The following SAMMSON variants were observed in gnomAD, a reference collection of about 807,000 sequenced individuals.
SAMMSON encodes survival associated mitochondrial melanoma specific oncogenic non-coding RNA.
At chr3:70,310,324 T>C (rs1702442711) in intron 7 of SAMMSON, among the ~76,000 whole-genome samples, 1 of 151,840 alleles carries the variant, frequency 6.6e-6, no homozygotes. Context: ...TCATCTTTTT[T>C]CTTTTTAAAA....
At chr3:70,061,376 C>T (rs761875529) in intron 3 of SAMMSON, among the ~76,000 whole-genome samples, 7 of 152,116 alleles carry the variant, frequency 4.6e-5, no homozygotes, top group Non-Finnish European at 1.0e-4. Flanking sequence ...CCCATCTGGA[C>T]TACAGATGTG....
At chr3:70,046,362 T>C (rs2067127227) in intron 3 of SAMMSON, among the ~76,000 whole-genome samples, 1 of 152,124 alleles carries the variant, frequency 6.6e-6, no homozygotes, top group Non-Finnish European at 1.5e-5. Context: ...GAAACAACCA[T>C]CTACCCCAAC....
rs1701208659 is a variant in SAMMSON, at chr3:70,198,989, A to G, written n.508-50118A>G. ...AACCTCATCGAGTTTTACCAATATG[A>G]AGACCACTACTATAGCAGTGGCTGC... On this transcript the variant is annotated intron_variant and non_coding_transcript_variant, in intron 4 of 9. Transcript: ENST00000642114. Among the ~76,000 whole-genome samples, 6 of 152,236 alleles carry G rather than the reference A, an allele frequency of 3.9e-5. No individual in the cohort carries two copies. In the South Asian group the frequency reaches 1.2e-3, roughly 31 times the overall value.
At chr3:70,310,162 C>T (rs1309097688) in intron 7 of SAMMSON, among the ~76,000 whole-genome samples, 1 of 151,574 alleles carries the variant, frequency 6.6e-6, no homozygotes, top group Non-Finnish European at 1.5e-5. Context: ...AAGACCTTTT[C>T]AAAAAAAGAA....
chr3:70,165,579 C>T (rs1230427074), intron 4 of SAMMSON, among the ~76,000 whole-genome samples: 4 of 151,856 alleles, frequency 2.6e-5, no homozygotes, highest in Non-Finnish European at 2.9e-5. Flanking sequence ...TACAAGCTAC[C>T]CATTTTATGG....
intron 6 of SAMMSON, among the ~76,000 whole-genome samples, chr3:70,257,945 A>C (rs1284105705): frequency 2.6e-5 from 4 of 152,214 alleles, no homozygotes; most frequent in Admixed American, 6.5e-5. Flanking sequence ...CATCAATAAG[A>C]CTCAATGAAG....
intron 3 of SAMMSON, chr3:70,068,048 A>G (rs1032608475): frequency 6.6e-6 from 1 of 152,050 alleles, no homozygotes; most frequent in Non-Finnish European, 1.5e-5. Context: ...CTTGTGATTT[A>G]TATTCATGCA....
At position 70,237,979 on chromosome 3, in the gene SAMMSON, CTTTTTTTTT is replaced by C. The variant is rs71672662; in HGVS notation, n.508-11110_508-11102del. 4.7e-4 allele frequency among the ~76,000 whole-genome samples: 23 copies of C among 48,942 alleles called. No homozygotes were observed. The South Asian group carries it at 0.013, about 27-fold the overall frequency. 32.1% of individuals were successfully genotyped at this position (48,942 alleles called of 152,430 possible). ...GGAAAAGAAACTAATTGAGTGGTAT[CTTTTTTTTT>C]TTTTTTTTTTTTTTTTTGCCTGTCC... On this transcript the variant is annotated intron_variant and non_coding_transcript_variant, in intron 4 of 9. Transcript: ENST00000642114.
intron 6 of SAMMSON, among the ~76,000 whole-genome samples, chr3:70,250,161 A>T (rs1370939519): frequency 6.6e-6 from 1 of 152,100 alleles, no homozygotes; most frequent in African/African-American, 2.4e-5. Flanking sequence ...CTGTTCAATA[A>T]ATATTGTGAA....
At chr3:70,183,085 C>T (rs574196090) in intron 4 of SAMMSON, among the ~76,000 whole-genome samples, 7 of 152,266 alleles carry the variant, frequency 4.6e-5, no homozygotes, top group African/African-American at 1.4e-4. Context: ...GTTGAACACT[C>T]GCTACATGCC....
chr3:70,221,548 C>G (rs1189638232), intron 4 of SAMMSON, among the ~76,000 whole-genome samples: 1 of 151,940 alleles, frequency 6.6e-6, no homozygotes, highest in South Asian at 2.1e-4. Context: ...CCCTCAGGAG[C>G]TTTATGGCCT....
intron 7 of SAMMSON, among the ~76,000 whole-genome samples, chr3:70,336,863 G>A (rs1402055176): frequency 5.0e-5 from 7 of 139,350 alleles, no homozygotes; most frequent in Non-Finnish European, 1.1e-4. Context: ...TGTGTGGAGA[G>A]AGAGAGAGGG....
chr3:70,068,843 G>C (rs1485927769), intron 3 of SAMMSON: 1 of 152,078 alleles, frequency 6.6e-6, no homozygotes, highest in African/African-American at 2.4e-5. Context: ...CAGGATTATG[G>C]AGAGGCCCCT....
intron 4 of SAMMSON, among the ~76,000 whole-genome samples, chr3:70,156,348 A>G (rs1342911070): frequency 6.6e-6 from 1 of 152,038 alleles, no homozygotes; most frequent in East Asian, 1.9e-4. Context: ...ATGACTGTGC[A>G]GTCGAGTATT....
At chr3:70,084,911 A>G (rs1161355770) in intron 4 of SAMMSON, 1 of 152,226 alleles carries the variant, frequency 6.6e-6, no homozygotes, top group Non-Finnish European at 1.5e-5. Context: ...TGACAAAGTA[A>G]TGGACTGCAA....
At chr3:70,137,163 TA>T (rs1369122071) in intron 4 of SAMMSON, among the ~76,000 whole-genome samples, 1 of 152,184 alleles carries the variant, frequency 6.6e-6, no homozygotes, top group Admixed American at 6.5e-5. Flanking sequence ...TAGAATTAGG[TA>T]AACATATAAA....
chr3:70,319,522 G>C (rs989493865), intron 7 of SAMMSON, among the ~76,000 whole-genome samples: 1 of 152,036 alleles, frequency 6.6e-6, no homozygotes, highest in Non-Finnish European at 1.5e-5. Context: ...ACACAGTAGA[G>C]ATAGTCTTCT....
chr3:70,284,617 G>T (rs1454415112), intron 6 of SAMMSON, among the ~76,000 whole-genome samples: 4 of 152,100 alleles, frequency 2.6e-5, no homozygotes, highest in Non-Finnish European at 4.4e-5. Context: ...GGAGCCAGAG[G>T]ACATCTTCCT....
chr3:70,307,504 TC>T (rs560058919), intron 7 of SAMMSON, among the ~76,000 whole-genome samples: 22 of 151,622 alleles, frequency 1.5e-4, no homozygotes, highest in African/African-American at 5.3e-4. Context: ...ACCTGTAATT[TC>T]CCCCCCCAAT....
Sources: allele counts gnomAD v4.1 joint callset (sites outside exome capture counted in the v4.1 genomes callset), GRCh38; gene constraint gnomAD v4.1.1; transcripts MANE v1.5; gene names NCBI Gene and HGNC (gene_info 2026-07-23, HGNC 2026-07-21).